Variants in HPSE2 observed in about 807,000 individuals in gnomAD.
HPSE2 encodes the protein heparanase 2 (inactive).
A neutral mutation model predicts 60.5 loss-of-function variants in HPSE2; 38 were observed. The observed-to-expected ratio is 0.63, with a 90% CI of 0.48 to 0.82. The LOEUF is 0.82. Among genes scored for constraint, HPSE2 ranks in the 40% least tolerant of loss-of-function variants. The pLI is 0.00. For missense variants in HPSE2, 713 were observed against 740.4 expected (o/e 0.96, Z 0.43); for synonymous variants, 295 against 293.2 (o/e 1.01, Z -0.06).
At chr10:98,960,229 C>T (rs1258191203) in intron 3 of HPSE2, among the ~76,000 whole-genome samples, 4 of 152,064 alleles carry the variant, frequency 2.6e-5, no homozygotes, top group African/African-American at 9.7e-5. Flanking sequence ...CACTGCCATG[C>T]TAGTATGTCA....
chr10:98,662,972 A>G (rs564055176), intron 6 of HPSE2, among the ~76,000 whole-genome samples: 2 of 152,334 alleles, frequency 1.3e-5, no homozygotes, highest in East Asian at 3.9e-4. Flanking sequence ...TGAGACCAAG[A>G]TAGGACATGA....
intron 11 of HPSE2, among the ~76,000 whole-genome samples, 193 bp downstream of exon 11, chr10:98,482,443 G>C (rs1489448652): frequency 6.6e-6 from 1 of 152,172 alleles, no homozygotes; most frequent in Non-Finnish European, 1.5e-5. Context: ...TACAACTGGG[G>C]AATCTAAGAT....
rs557783825 is a variant in HPSE2 at position 98,483,556 on chromosome 10, T to C, written c.1467-774A>G. Among the ~76,000 whole-genome samples, 23 of 152,364 alleles carry C rather than the reference T, an allele frequency of 1.5e-4. No individual in the cohort carries two copies. The South Asian group carries it at 4.3e-3, about 29-fold the overall frequency. On this transcript the variant is annotated intron_variant, in intron 10 of 11. Coordinates refer to ENST00000370552, the MANE Select transcript of HPSE2 (RefSeq NM_021828.5). ...TATGATTCCTCACCAAATTTTCCAG[T>C]TCATTCCCAGTGGTGCACCTCCCTG...
At chr10:98,474,568 A>G (rs72838932) in intron 11 of HPSE2, among the ~76,000 whole-genome samples, 15,839 of 152,252 alleles carry the variant, frequency 0.1, 1,054 homozygotes, top group Middle Eastern at 0.22. Context: ...TTTCTTTGAT[A>G]TAGGTTTTAA....
chr10:98,721,547 T>C (rs1948923230), intron 5 of HPSE2, 110 bp downstream of exon 5: 9 of 1,144,226 alleles, frequency 7.9e-6, no homozygotes, highest in Non-Finnish European at 1.1e-5. Context: ...CCCTCCTTTT[T>C]TCTTAAGACC....
intron 3 of HPSE2, among the ~76,000 whole-genome samples, chr10:98,820,300 C>A (rs1190298489): frequency 1.3e-5 from 2 of 152,090 alleles, no homozygotes; most frequent in Non-Finnish European, 2.9e-5. Flanking sequence ...CAGACAAAAT[C>A]CACAAAGTTT....
intron 6 of HPSE2, among the ~76,000 whole-genome samples, chr10:98,678,644 T>G (rs1947707530): frequency 6.6e-6 from 1 of 152,172 alleles, no homozygotes; most frequent in East Asian, 1.9e-4. Flanking sequence ...GCCAGAAATT[T>G]TGTTTTGTTT....
chr10:99,129,467 A>G (rs1845295813), intron 3 of HPSE2, among the ~76,000 whole-genome samples: 1 of 152,154 alleles, frequency 6.6e-6, no homozygotes. Flanking sequence ...ACTAGAAATT[A>G]ACTCCAAAAG....
chr10:99,225,628 TTTAG>T (rs1251167372), intron 2 of HPSE2, among the ~76,000 whole-genome samples: 1 of 152,016 alleles, frequency 6.6e-6, no homozygotes, highest in African/African-American at 2.4e-5. Flanking sequence ...TATAACACAG[TTTAG>T]TTAGAGGGAG....
chr10:99,287,008 G>A, the HPSE2 span, among the ~76,000 whole-genome samples: 1 of 152,136 alleles, frequency 6.6e-6, no homozygotes, highest in Non-Finnish European at 1.5e-5. Flanking sequence ...TATACTTGGG[G>A]ATCGCTAAAT....
At position 99,073,769 on chromosome 10, in the gene HPSE2, T is replaced by C. The variant is rs533250063; in HGVS notation, c.610+70469A>G. 1.3e-3 allele frequency among the ~76,000 whole-genome samples: 191 copies of C among 152,274 alleles called. 1 individual carries two copies. The South Asian group carries it at 0.037, about 30-fold the overall frequency. On this transcript the variant is annotated intron_variant, in intron 3 of 11. Coordinates refer to ENST00000370552, the MANE Select transcript of HPSE2 (RefSeq NM_021828.5). ...TCTGTGTACAAGTTTTTCACCTCCTTAGTCAAGTTTATTACTATGTATTTT... is the reference window on the plus strand; with the variant it reads ...TCTGTGTACAAGTTTTTCACCTCCTCAGTCAAGTTTATTACTATGTATTTT...
Position 98,688,465 on chromosome 10 carries a change from C to CTTTTTTTTT in HPSE2, c.1004+5426_1004+5434dup, listed in dbSNP as rs562095149. The stretch of plus-strand genomic sequence containing the variant: ...GTCTGAAGAATTTCCTTTAGCATTT[C>CTTTTTTTTT]TTTTTTTTTTTCTTTTTTTTTTTTT... On this transcript the variant is annotated intron_variant, in intron 6 of 11. Coordinates refer to ENST00000370552, the MANE Select transcript of HPSE2 (RefSeq NM_021828.5). Among the ~76,000 whole-genome samples, 187 of 103,738 alleles carry CTTTTTTTTT rather than the reference C, an allele frequency of 1.8e-3. 9 individuals are homozygous for CTTTTTTTTT. The highest frequency in any genetic ancestry group is 2.3e-3 in the East Asian group (8 of 3,526). The allele number at this position is 103,738 out of a possible 152,430, so 68.1% of individuals were successfully genotyped here. A position where few individuals can be genotyped will look rare whatever the true frequency, so the allele number is the denominator to read the frequency against.
intron 3 of HPSE2, among the ~76,000 whole-genome samples, chr10:98,839,859 A>G (rs908959331): frequency 1.1e-4 from 17 of 152,214 alleles, no homozygotes; most frequent in Admixed American, 5.2e-4. Flanking sequence ...TGGAGGAGAG[A>G]GTGATGATGA....
At chr10:98,532,729 G>A (rs1448236806) in intron 9 of HPSE2, among the ~76,000 whole-genome samples, 1 of 152,168 alleles carries the variant, frequency 6.6e-6, no homozygotes, top group South Asian at 2.1e-4. Flanking sequence ...GGTTTCAAAA[G>A]ATTCTTCCAG....
chr10:98,701,615 A>G (rs11592297), intron 5 of HPSE2, among the ~76,000 whole-genome samples: 107,797 of 151,186 alleles, frequency 0.71, 40,455 homozygotes, highest in South Asian at 0.95. Context: ...CATTGTGCAC[A>G]TGTACCCTAA....
At chr10:98,542,490 C>T (rs1309842471) in intron 9 of HPSE2, among the ~76,000 whole-genome samples, 3 of 152,036 alleles carry the variant, frequency 2.0e-5, no homozygotes, top group Admixed American at 6.5e-5. Flanking sequence ...ATGACTTTGA[C>T]GAGCTGAGAG....
intron 2 of HPSE2, among the ~76,000 whole-genome samples, chr10:99,156,453 A>G (rs1487551607): frequency 1.5e-5 from 2 of 137,384 alleles, no homozygotes; most frequent in Non-Finnish European, 3.2e-5. Context: ...AATATACACA[A>G]ATCAATAAAT....
chr10:98,879,580 C>T (rs1952964730), intron 3 of HPSE2, among the ~76,000 whole-genome samples: 1 of 151,604 alleles, frequency 6.6e-6, no homozygotes, highest in African/African-American at 2.4e-5. Context: ...TTTTTTCCTA[C>T]CATGATGTGT....
At chr10:99,112,534 T>C (rs7915939) in intron 3 of HPSE2, among the ~76,000 whole-genome samples, 76,935 of 151,602 alleles carry the variant, frequency 0.51, 21,260 homozygotes, top group East Asian at 0.65. Flanking sequence ...CGTGATCCGT[T>C]TGCCTCGGCC....
Sources: gnomAD v4.1 joint callset for allele counts (sites outside exome capture counted in the v4.1 genomes callset) on GRCh38, gnomAD v4.1.1 for gene constraint, MANE v1.5 for transcripts, NCBI Gene and HGNC (gene_info 2026-07-23, HGNC 2026-07-21) for gene names.